Variants in CNBD1 observed in about 807,000 individuals in gnomAD.
CNBD1 encodes cyclic nucleotide-binding domain-containing protein 1.
A neutral mutation model predicts 54.4 loss-of-function variants in CNBD1; 71 were observed. That is an observed-to-expected ratio of 1.30 (90% CI 1.08 to 1.59). The LOEUF (loss-of-function observed/expected upper bound fraction) is 1.59, where lower values mean the gene tolerates loss of function less well. Among genes scored for constraint, CNBD1 ranks in the 40% most tolerant of loss-of-function variants. The probability of loss-of-function intolerance (pLI) is 0.00; values close to 1 mark genes in which losing one functional copy is unlikely to be tolerated. For synonymous variants in CNBD1, 182 were observed against 170.7 expected (o/e 1.07, Z -0.51); for missense variants, 659 against 518.0 (o/e 1.27, Z -2.64).
chr8:87,411,681 C>A (rs541762500), intron 2 of CNBD1, among the ~76,000 whole-genome samples: 106 of 148,962 alleles, frequency 7.1e-4, no homozygotes, highest in Non-Finnish European at 1.4e-3. Context: ...ACAACCATTA[C>A]TATAATAATT....
intron 2 of CNBD1, among the ~76,000 whole-genome samples, chr8:87,390,572 A>G (rs112439438): frequency 6.6e-6 from 1 of 152,148 alleles, no homozygotes; most frequent in Non-Finnish European, 1.5e-5. Flanking sequence ...AATGGCGATC[A>G]TTAAAAAGTC....
At chr8:87,342,278 GAAAAAA>G (rs59161814) in intron 8 of CNBD1, among the ~76,000 whole-genome samples, 1 of 138,476 alleles carries the variant, frequency 7.2e-6, no homozygotes, top group Non-Finnish European at 1.6e-5. Flanking sequence ...ATCTCAAAAA[GAAAAAA>G]AAAAAAAAGA....
intron 4 of CNBD1, among the ~76,000 whole-genome samples, chr8:86,948,104 T>C (rs1489737869): frequency 6.6e-6 from 1 of 152,174 alleles, no homozygotes; most frequent in Admixed American, 6.6e-5. Context: ...TTATTACGTA[T>C]GGATGAATGG....
chr8:87,185,437 G>A (rs913805892), intron 4 of CNBD1, among the ~76,000 whole-genome samples: 8 of 152,118 alleles, frequency 5.3e-5, no homozygotes, highest in Non-Finnish European at 1.0e-4. Context: ...ATCATACATA[G>A]TGTGAACTTT....
chr8:86,941,142 CTTAACTT>C (rs1692392024), intron 4 of CNBD1, among the ~76,000 whole-genome samples: 1 of 152,094 alleles, frequency 6.6e-6, no homozygotes, highest in Admixed American at 6.6e-5. Context: ...TTTTTATACT[CTTAACTT>C]ATAATAACAA....
chr8:86,938,298 A>T (rs1270982202), intron 3 of CNBD1, among the ~76,000 whole-genome samples: 1 of 152,118 alleles, frequency 6.6e-6, no homozygotes, highest in East Asian at 1.9e-4. Context: ...AAGTTACAAA[A>T]TTTCCCACAT....
At chr8:87,379,768 A>T (rs1354775792) in intron 10 of CNBD1, among the ~76,000 whole-genome samples, 2 of 151,956 alleles carry the variant, frequency 1.3e-5, no homozygotes, top group African/African-American at 4.8e-5. Flanking sequence ...TGATTGTTTT[A>T]TATATAAAAA....
At chr8:87,348,292 A>G (rs1810214760) in intron 8 of CNBD1, among the ~76,000 whole-genome samples, 1 of 152,168 alleles carries the variant, frequency 6.6e-6, no homozygotes, top group Non-Finnish European at 1.5e-5. Context: ...ATACATTTTT[A>G]ATAATAAAGA....
intron 8 of CNBD1, among the ~76,000 whole-genome samples, chr8:87,334,447 C>G (rs565814574): frequency 1.3e-5 from 2 of 152,068 alleles, no homozygotes; most frequent in Admixed American, 1.3e-4. Context: ...TCTTGCTTCT[C>G]TAGTTCTTTT....
At chr8:87,353,471 G>A (rs13268220) in intron 9 of CNBD1, among the ~76,000 whole-genome samples, 165 bp from the exon 10 acceptor site, 1 of 152,040 alleles carries the variant, frequency 6.6e-6, no homozygotes, top group Admixed American at 6.6e-5. Flanking sequence ...TAATATAATT[G>A]AAATGCTTAT....
chr8:87,063,299 C>A (rs1810582674), intron 4 of CNBD1, among the ~76,000 whole-genome samples: 1 of 152,180 alleles, frequency 6.6e-6, no homozygotes, highest in Non-Finnish European at 1.5e-5. Flanking sequence ...GTGTGGATTT[C>A]ATCAGCATTA....
At position 87,396,417 on chromosome 8, in the gene CNBD1, C is replaced by T. The variant is rs187737616; in HGVS notation, c.214-32129C>T. ...GAAATCTACATGCCTAACTTATAAT[C>T]AGCTGCTTTTGCTGGTGGTGCCTTA... On this transcript the variant is annotated intron_variant, in intron 2 of 7. Coordinates refer to the CNBD1 transcript ENST00000521593. 3.9e-3 allele frequency among the ~76,000 whole-genome samples: 590 copies of T among 151,994 alleles called. 8 individuals carry two copies. Among genetic ancestry groups the T allele is most frequent in the African/African-American group, 0.013 (556 of 41,524 alleles).
chr8:87,020,811 G>A lies in CNBD1; in HGVS notation c.431+81057G>A, dbSNP rs548319899. ...TTATTTCCTTCCTTCTCAGATCCAG[G>A]AGATAATCAACTAAGAGCTAGACAT... On this transcript the variant is annotated intron_variant, in intron 4 of 10. Transcript: ENST00000518476. 7.2e-5 allele frequency among the ~76,000 whole-genome samples: 11 copies of A among 152,132 alleles called. No individual in the cohort carries two copies. In the South Asian group the frequency reaches 1.0e-3, roughly 14 times the overall value.
chr8:87,061,008 G>C, intron 4 of CNBD1, among the ~76,000 whole-genome samples: 1 of 152,232 alleles, frequency 6.6e-6, no homozygotes, highest in South Asian at 2.1e-4. Flanking sequence ...TAGTGACCTG[G>C]CTCATCATGA....
chr8:87,348,282 A>G (rs910929749), intron 8 of CNBD1, among the ~76,000 whole-genome samples: 2 of 152,184 alleles, frequency 1.3e-5, no homozygotes, highest in African/African-American at 2.4e-5. Flanking sequence ...GCAAATAAAT[A>G]TACATTTTTA....
intron 4 of CNBD1, among the ~76,000 whole-genome samples, chr8:87,147,772 C>CA (rs1440196373): frequency 2.0e-5 from 3 of 151,752 alleles, no homozygotes; most frequent in African/African-American, 7.3e-5. Flanking sequence ...CACCCTAGCC[C>CA]AAAAAAAGGA....
chr8:87,423,288 C>T (rs1038735622), intron 2 of CNBD1, among the ~76,000 whole-genome samples: 16 of 149,326 alleles, frequency 1.1e-4, no homozygotes, highest in Non-Finnish European at 1.8e-4. Context: ...GCCTAATTGC[C>T]CTGGCCAGAA....
downstream of CNBD1, among the ~76,000 whole-genome samples, chr8:87,386,037 C>A (rs541341468): frequency 6.6e-6 from 1 of 152,276 alleles, no homozygotes; most frequent in Admixed American, 6.5e-5. Context: ...CAAACTCCAA[C>A]AGACCTGCAG....
chr8:86,954,632 G>T (rs1807713302), intron 4 of CNBD1, among the ~76,000 whole-genome samples: 1 of 152,048 alleles, frequency 6.6e-6, no homozygotes, highest in Non-Finnish European at 1.5e-5. Context: ...TACACACTTT[G>T]TATGTAAATC....
Sources: allele counts gnomAD v4.1 joint callset (sites outside exome capture counted in the v4.1 genomes callset), GRCh38; gene constraint gnomAD v4.1.1; transcripts MANE v1.5; gene names NCBI Gene and HGNC (gene_info 2026-07-23, HGNC 2026-07-21).